The following FGF7 variants were observed in gnomAD, a reference collection of about 807,000 sequenced individuals.
FGF7 encodes FGF-7.
Under a neutral mutation model 20.5 loss-of-function variants are expected in FGF7, and 6 were observed. The ratio of observed to expected loss-of-function variants is 0.29; its 90% CI spans 0.16 to 0.58. The LOEUF (loss-of-function observed/expected upper bound fraction) is 0.58, where lower values mean the gene tolerates loss of function less well. FGF7 is among the 20% of genes least tolerant of loss of function. The pLI is 0.90. For missense variants in FGF7, 144 were observed against 228.8 expected (o/e 0.63, Z 2.39); for synonymous variants, 64 against 74.7 (o/e 0.86, Z 0.74).
At chr15:49,480,189 A>G (rs145438374) in intron 2 of FGF7, among the ~76,000 whole-genome samples, 27,243 of 152,250 alleles carry the variant, frequency 0.18, 3,138 homozygotes, top group Non-Finnish European at 0.25. Flanking sequence ...CAAGCAATTA[A>G]GAATATAAGT....
chr15:49,430,156 T>C (rs547527353), intron 2 of FGF7, among the ~76,000 whole-genome samples: 1 of 152,028 alleles, frequency 6.6e-6, no homozygotes, highest in African/African-American at 2.4e-5. Context: ...CCTGGAAATG[T>C]ACGTGATGAT....
In FGF7 at chr15:49,444,736, T is replaced by C. The variant is rs2052020261; in HGVS notation, c.286+20153T>C. 2.0e-5 allele frequency among the ~76,000 whole-genome samples: 3 copies of C among 151,622 alleles called. 1 individual carries two copies. In the South Asian group the frequency reaches 6.2e-4, roughly 31 times the overall value. On this transcript the variant is annotated intron_variant, in intron 2 of 3. Transcript: ENST00000267843. ...GTCTGTCTCAAAGGCTAGAAATAAA[T>C]TGCAAATATCTCCAGCTTTTTAAAT...
chr15:49,470,252 G>GGGAACACTA (rs2054620981), intron 2 of FGF7, among the ~76,000 whole-genome samples: 2 of 151,842 alleles, frequency 1.3e-5, no homozygotes, highest in Non-Finnish European at 1.5e-5. Flanking sequence ...CTTTAACACT[G>GGGAACACTA]GGAACACTGA....
chr15:49,465,807 T>G (rs889106848), intron 2 of FGF7, among the ~76,000 whole-genome samples: 5 of 152,190 alleles, frequency 3.3e-5, no homozygotes, highest in African/African-American at 1.2e-4. Context: ...TTTTCGACAT[T>G]TAGTATGATT....
At position 49,458,448 on chromosome 15, in the gene FGF7, T is replaced by G. The variant is rs761369390; in HGVS notation, c.287-24703T>G. On this transcript the variant is annotated intron_variant, in intron 2 of 3. Transcript: ENST00000267843. ...TCTCATTTAAAGGTTTTGGTTTTAT[T>G]TGGATTATTTTTCATCCAAGATTTT... Among the ~76,000 whole-genome samples the G allele has an allele frequency of 2.2e-4, 34 of 152,236 alleles. 1 individual carries two copies. Among genetic ancestry groups the G allele is most frequent in the Middle Eastern group, 6.8e-3 (2 of 294 alleles).
intron 2 of FGF7, among the ~76,000 whole-genome samples, chr15:49,473,982 C>G (rs1468755352): frequency 6.6e-6 from 1 of 152,048 alleles, no homozygotes. Flanking sequence ...ATATATAATA[C>G]ATATTTAAAC....
Position 49,487,145 on chromosome 15 carries a change from C to G in FGF7, c.*2641C>G, listed in dbSNP as rs1265796171. 1 of 151,822 alleles carries G rather than the reference C, an allele frequency of 6.6e-6. No homozygotes were observed. The highest frequency in any genetic ancestry group is 1.5e-5 in the Non-Finnish European group (1 of 67,872). The allele number at this position is 151,822 out of a possible 1,614,324, so 9.4% of individuals were successfully genotyped here. A position where few individuals can be genotyped will look rare whatever the true frequency, so the allele number is the denominator to read the frequency against. Reference sequence around the variant, plus strand: ...ATGCACTTCATACACAATGACTAATCTATACTGTGATGATTTGACTCAAAA... The same window carrying G: ...ATGCACTTCATACACAATGACTAATGTATACTGTGATGATTTGACTCAAAA... On this transcript the variant is annotated 3_prime_UTR_variant, in exon 4 of 4. Transcript: ENST00000267843.
rs2056421978 is a variant in FGF7, at chr15:49,486,634, T to C, written c.*2130T>C. The C allele has an allele frequency of 1.3e-5, 2 of 152,008 alleles. No individual in the cohort carries two copies. Among genetic ancestry groups the C allele is most frequent in the South Asian group, 4.1e-4 (2 of 4,836 alleles). The allele number at this position is 152,008 out of a possible 1,614,324, so 9.4% of individuals were successfully genotyped here. On this transcript the variant is annotated 3_prime_UTR_variant, in exon 4 of 4. Transcript: ENST00000267843. ...GTATATACATATAAAATACAAGCTA[T>C]GTTAGGACCAAATGCTCTTTGTCTA...
chr15:49,469,760 C>A (rs2054571147), intron 2 of FGF7, among the ~76,000 whole-genome samples: 1 of 151,990 alleles, frequency 6.6e-6, no homozygotes, highest in African/African-American at 2.4e-5. Context: ...CTAAGTTATG[C>A]CTTTAAAAGT....
chr15:49,450,393 A>AT (rs963365833), intron 2 of FGF7, among the ~76,000 whole-genome samples: 2 of 151,588 alleles, frequency 1.3e-5, no homozygotes, highest in African/African-American at 4.8e-5. Flanking sequence ...TGCTAAAGAT[A>AT]TTTTTTTTCC....
intron 2 of FGF7, among the ~76,000 whole-genome samples, chr15:49,468,054 A>G (rs550122952): frequency 3.9e-5 from 6 of 152,214 alleles, no homozygotes; most frequent in African/African-American, 9.6e-5. Flanking sequence ...CTTTCAAAAG[A>G]AAGTATTGCT....
Position 49,487,592 on chromosome 15 carries a change from G to A in FGF7, c.*3088G>A, listed in dbSNP as rs1429001286. The A allele has an allele frequency of 1.3e-5, 2 of 151,812 alleles. No individual in the cohort carries two copies. The highest frequency in any genetic ancestry group is 2.9e-5 in the Non-Finnish European group (2 of 67,882). 9.4% of individuals were successfully genotyped at this position (151,812 alleles called of 1,614,324 possible). ...ACTGCCAAAGAACATAAAGATGTGC[G>A]AGGGGACCTAGCTGTAGTAAAAGCA... On this transcript the variant is annotated 3_prime_UTR_variant, in exon 4 of 4. Coordinates refer to ENST00000267843, the MANE Select transcript of FGF7 (RefSeq NM_002009.4).
chr15:49,477,951 G>T (rs1009586980), intron 2 of FGF7, among the ~76,000 whole-genome samples: 1 of 151,962 alleles, frequency 6.6e-6, no homozygotes, highest in African/African-American at 2.4e-5. Flanking sequence ...TTAGATTCAG[G>T]GGGTACATGT....
At chr15:49,483,995 T>C (rs1035858392) in intron 3 of FGF7, among the ~76,000 whole-genome samples, 21 of 152,034 alleles carry the variant, frequency 1.4e-4, no homozygotes, top group African/African-American at 5.1e-4. Flanking sequence ...TGGGAATAAG[T>C]AATATGAGGC....
At chr15:49,463,185 C>T (rs2053956018) in intron 2 of FGF7, among the ~76,000 whole-genome samples, 1 of 152,168 alleles carries the variant, frequency 6.6e-6, no homozygotes, top group Non-Finnish European at 1.5e-5. Flanking sequence ...TTGCCTCTTG[C>T]CAATTTATCT....
chr15:49,461,789 G>T (rs1157841993), intron 2 of FGF7, among the ~76,000 whole-genome samples: 1 of 152,088 alleles, frequency 6.6e-6, no homozygotes, highest in East Asian at 1.9e-4. Context: ...GCTAATTATG[G>T]TACTGATTTA....
At chr15:49,459,917 C>T (rs1000715482) in intron 2 of FGF7, among the ~76,000 whole-genome samples, 15 of 152,156 alleles carry the variant, frequency 9.9e-5, no homozygotes, top group Admixed American at 6.5e-5. Flanking sequence ...GCAAATGCCA[C>T]ACATTAGAGA....
Position 49,424,603 on chromosome 15 carries a change from G to C in FGF7, c.286+20G>C. On this transcript the variant is annotated intron_variant, in intron 2 of 3. Transcript: ENST00000267843. ...ATTACAGTAAGTAATTTTAAGTACT[G>C]CTCATGAACCTTAGCAATCTGTTAA... 1 of 1,525,486 alleles carries C rather than the reference G, an allele frequency of 6.6e-7. No homozygotes were observed. The highest frequency in any genetic ancestry group is 2.3e-5 in the East Asian group (1 of 43,514). 94.5% of individuals were successfully genotyped at this position (1,525,486 alleles called of 1,614,324 possible). A position where few individuals can be genotyped will look rare whatever the true frequency, so the allele number is the denominator to read the frequency against.
rs1405561643 is a variant in FGF7 at position 49,486,765 on chromosome 15, T to C, written c.*2261T>C. 2 of 151,976 alleles carry C rather than the reference T, an allele frequency of 1.3e-5. No individual in the cohort carries two copies. Among genetic ancestry groups the C allele is most frequent in the Non-Finnish European group, 2.9e-5 (2 of 67,890 alleles). 9.4% of individuals were successfully genotyped at this position (151,976 alleles called of 1,614,324 possible). On this transcript the variant is annotated 3_prime_UTR_variant, in exon 4 of 4. Coordinates refer to ENST00000267843, the MANE Select transcript of FGF7 (RefSeq NM_002009.4). The stretch of plus-strand genomic sequence containing the variant: ...GTATAAGTCACCTAAAAAAGACTTC[T>C]AGAAATATGTACTTTAATTATTTGT...
Sources: gnomAD v4.1 joint callset for allele counts (sites outside exome capture counted in the v4.1 genomes callset) on GRCh38, gnomAD v4.1.1 for gene constraint, MANE v1.5 for transcripts, NCBI Gene and HGNC (gene_info 2026-07-23, HGNC 2026-07-21) for gene names.